The following COL23A1 variants were observed in gnomAD, a reference collection of about 807,000 sequenced individuals.
COL23A1 encodes the protein collagen type XXIII alpha 1 chain.
In COL23A1, 97 loss-of-function variants were observed where a neutral mutation model predicts 99.3. The observed-to-expected ratio is 0.98, with a 90% confidence interval of 0.83 to 1.16. The LOEUF (loss-of-function observed/expected upper bound fraction) is 1.16, where lower values mean the gene tolerates loss of function less well. Ranked by LOEUF, COL23A1 falls within the 50% of genes most tolerant of loss-of-function variation. The probability of loss-of-function intolerance (pLI) is 0.00; values close to 1 mark genes in which losing one functional copy is unlikely to be tolerated. For missense variants in COL23A1, 762 were observed against 757.4 expected, an observed-to-expected ratio of 1.01 and a Z score of -0.07; for synonymous variants, 320 against 308.2, an observed-to-expected ratio of 1.04 and a Z score of -0.40.
intron 2 of COL23A1, among the ~76,000 whole-genome samples, chr5:178,385,288 C>T (rs900635399): frequency 2.0e-5 from 3 of 152,180 alleles, no homozygotes; most frequent in Admixed American, 6.5e-5. Flanking sequence ...GCTTCCCTCC[C>T]CCCAGGTCTC....
intron 2 of COL23A1, among the ~76,000 whole-genome samples, chr5:178,322,079 G>A (rs1274537162): frequency 2.0e-5 from 3 of 150,476 alleles, no homozygotes; most frequent in South Asian, 2.1e-4. Flanking sequence ...TGCAACCTCC[G>A]CCTCCTGAGT....
intron 2 of COL23A1, among the ~76,000 whole-genome samples, chr5:178,494,921 C>T (rs1221966392): frequency 2.0e-5 from 3 of 152,160 alleles, no homozygotes; most frequent in Non-Finnish European, 4.4e-5. Context: ...CTCTGGGTCC[C>T]GGAACGCCCA....
chr5:178,414,806 C>G (rs113339728), intron 2 of COL23A1, among the ~76,000 whole-genome samples: 107 of 152,290 alleles, frequency 7.0e-4, no homozygotes, highest in African/African-American at 2.5e-3. Context: ...CAAGTAGTCC[C>G]TGGGACTGCT....
rs530674380 is a variant in COL23A1 at position 178,428,406 on chromosome 5, A to C, written c.362-121487T>G. ...TCCTGGATCAAAACCTACCAAGATA[A>C]CAGGGAACCAGGGGCAGCTTCCAGG... On this transcript the variant is annotated intron_variant, in intron 2 of 28. Transcript: ENST00000390654. This position sits in a 1 kb window ranked among gnomAD's most constrained non-coding sequence, Gnocchi z 5.0. Among the ~76,000 whole-genome samples the C allele has an allele frequency of 6.6e-6, 1 of 152,264 alleles. No individual in the cohort carries two copies. The highest frequency in any genetic ancestry group is 6.5e-5 in the Admixed American group (1 of 15,306).
intron 2 of COL23A1, among the ~76,000 whole-genome samples, chr5:178,392,752 T>C (rs774750343): frequency 1.3e-5 from 2 of 152,192 alleles, no homozygotes; most frequent in Non-Finnish European, 2.9e-5. Context: ...CTCCTACCAA[T>C]AGCCACATTG....
At chr5:178,542,845 T>C (rs78828045) in intron 2 of COL23A1, among the ~76,000 whole-genome samples, 371 of 152,334 alleles carry the variant, frequency 2.4e-3, no homozygotes, top group Non-Finnish European at 4.2e-3. Context: ...ATGGTGCTCC[T>C]ATACTGCGAA....
intron 2 of COL23A1, among the ~76,000 whole-genome samples, chr5:178,368,099 C>T (rs1275920855): frequency 6.6e-5 from 10 of 152,134 alleles, no homozygotes; most frequent in Non-Finnish European, 1.3e-4. Flanking sequence ...TTTGATGCGT[C>T]GAAAGGGCAG....
At chr5:178,359,121 T>A (rs893557074) in intron 2 of COL23A1, among the ~76,000 whole-genome samples, 1 of 152,210 alleles carries the variant, frequency 6.6e-6, no homozygotes, top group African/African-American at 2.4e-5. Context: ...TCAGTTTTGA[T>A]TCTGGCACTG....
At chr5:178,272,911 C>G (rs567150940) in intron 5 of COL23A1, among the ~76,000 whole-genome samples, 1 of 152,194 alleles carries the variant, frequency 6.6e-6, no homozygotes, top group Non-Finnish European at 1.5e-5. Context: ...CTCAGTCACA[C>G]AGCAACCCTG....
chr5:178,376,304 G>T (rs1763069856), intron 2 of COL23A1, among the ~76,000 whole-genome samples: 1 of 152,220 alleles, frequency 6.6e-6, no homozygotes. Context: ...ATTGGTTGGT[G>T]CTCGGTGAAC....
At chr5:178,341,992 C>T (rs766234654) in intron 2 of COL23A1, among the ~76,000 whole-genome samples, 2 of 152,186 alleles carry the variant, frequency 1.3e-5, no homozygotes, top group Non-Finnish European at 1.5e-5. Flanking sequence ...AACACACCGA[C>T]CTTCGGACCT....
intron 2 of COL23A1, among the ~76,000 whole-genome samples, chr5:178,402,646 G>A (rs1764512141): frequency 6.6e-6 from 1 of 152,106 alleles, no homozygotes; most frequent in Non-Finnish European, 1.5e-5. Flanking sequence ...CAGCTACTTG[G>A]GAGGCTGAGG....
At chr5:178,516,798 C>A (rs936787245) in intron 2 of COL23A1, among the ~76,000 whole-genome samples, 31 of 152,218 alleles carry the variant, frequency 2.0e-4, no homozygotes, top group African/African-American at 7.2e-4. Context: ...AGGGACCGTG[C>A]CCACCTTGTC....
chr5:178,515,092 G>A (rs773057374), intron 2 of COL23A1, among the ~76,000 whole-genome samples: 3 of 152,236 alleles, frequency 2.0e-5, no homozygotes, highest in Admixed American at 6.5e-5. Context: ...GCCATGTGCT[G>A]TGCATGCTTC....
intron 2 of COL23A1, among the ~76,000 whole-genome samples, chr5:178,545,297 C>T (rs983487578): frequency 1.3e-5 from 2 of 152,138 alleles, no homozygotes; most frequent in African/African-American, 4.8e-5. Context: ...GAGCCTCTCC[C>T]TGTGCTGGCC....
intron 1 of COL23A1, among the ~76,000 whole-genome samples, chr5:178,563,049 C>T (rs1231729804): frequency 6.6e-6 from 1 of 152,218 alleles, no homozygotes; most frequent in Non-Finnish European, 1.5e-5. Context: ...CTGGCTTCAC[C>T]TCTCAAAAGC....
At chr5:178,499,000 G>A (rs895947469) in intron 2 of COL23A1, among the ~76,000 whole-genome samples, 1 of 152,146 alleles carries the variant, frequency 6.6e-6, no homozygotes, top group Non-Finnish European at 1.5e-5. Flanking sequence ...TGAGGCAGGA[G>A]AATTGTTTGA....
At position 178,385,694 on chromosome 5, in the gene COL23A1, T is replaced by C. The variant is rs576397884; in HGVS notation, c.362-78775A>G. ...TCATCTGCCACACGTCGTGGCTTGATGTTGACTCACACCTGGGTTCACAGA... is the reference window on the plus strand; with the variant it reads ...TCATCTGCCACACGTCGTGGCTTGACGTTGACTCACACCTGGGTTCACAGA... On this transcript the variant is annotated intron_variant, in intron 2 of 28. Transcript: ENST00000390654. Among the ~76,000 whole-genome samples, 38 of 152,330 alleles carry C rather than the reference T, an allele frequency of 2.5e-4. No individual in the cohort carries two copies. In the South Asian group the frequency reaches 7.9e-3, roughly 32 times the overall value.
intron 2 of COL23A1, among the ~76,000 whole-genome samples, chr5:178,402,785 A>C (rs1764518764): frequency 6.6e-6 from 1 of 152,170 alleles, no homozygotes; most frequent in Non-Finnish European, 1.5e-5. Context: ...CTCTTTACAC[A>C]TTATATGAAC....
Sources: allele counts gnomAD v4.1 joint callset (sites outside exome capture counted in the v4.1 genomes callset), GRCh38; gene constraint gnomAD v4.1.1; non-coding constraint Gnocchi (gnomAD v3.1); transcripts MANE v1.5; gene names NCBI Gene and HGNC (gene_info 2026-07-23, HGNC 2026-07-21).